PPARG: variants seen among roughly 807,000 people sequenced by gnomAD.
The protein encoded by PPARG is peroxisome proliferator-activated receptor gamma.
PPARG carries 17 observed loss-of-function variants against 39.2 expected under a neutral mutation model. The observed-to-expected ratio is 0.43, with a 90% confidence interval of 0.30 to 0.65. The LOEUF is 0.65. PPARG is among the 30% of genes least tolerant of loss of function. The pLI is 0.13. For synonymous variants in PPARG, 223 were observed against 215.7 expected (o/e 1.03, Z -0.30); for missense variants, 406 against 585.9 (o/e 0.69, Z 3.17).
intron 2 of PPARG, among the ~76,000 whole-genome samples, chr3:12,367,485 A>G (rs1404620277): frequency 1.3e-5 from 2 of 152,110 alleles, no homozygotes; most frequent in Non-Finnish European, 2.9e-5. Context: ...CTGTGTCCTG[A>G]TACCTCAGGA....
chr3:12,321,188 C>T (rs1003216769), intron 2 of PPARG, among the ~76,000 whole-genome samples: 4 of 152,178 alleles, frequency 2.6e-5, no homozygotes, highest in African/African-American at 9.7e-5. Context: ...GGCGTGGACT[C>T]ACTTCCTTTA....
At chr3:12,319,902 G>A (rs1401615713) in intron 2 of PPARG, among the ~76,000 whole-genome samples, 2 of 151,934 alleles carry the variant, frequency 1.3e-5, no homozygotes, top group Non-Finnish European at 2.9e-5. Context: ...AATAATTTAC[G>A]GCGTATATTT....
intron 7 of PPARG, among the ~76,000 whole-genome samples, chr3:12,419,271 A>G (rs1203011979): frequency 1.3e-5 from 2 of 151,990 alleles, no homozygotes; most frequent in South Asian, 2.1e-4. Context: ...GAACAAAAAT[A>G]TACTACCTGG....
intron 4 of PPARG, 103 bp from the exon 5 acceptor site, chr3:12,392,511 A>G (rs1242406644): frequency 1.5e-6 from 2 of 1,343,546 alleles, no homozygotes; most frequent in African/African-American, 2.9e-5. Context: ...CGTGTCAAGA[A>G]CCTGCCTTTT....
At chr3:12,317,752 T>G (rs1305475541) in intron 2 of PPARG, among the ~76,000 whole-genome samples, 1 of 152,240 alleles carries the variant, frequency 6.6e-6, no homozygotes, top group Non-Finnish European at 1.5e-5. Context: ...ACTCTTGCAT[T>G]ATTAATTTTA....
At position 12,364,115 on chromosome 3, in the gene PPARG, C is replaced by G. The variant is rs1426018356; in HGVS notation, c.-8-15589C>G. Among the ~76,000 whole-genome samples, 4 of 152,138 alleles carry G rather than the reference C, an allele frequency of 2.6e-5. No homozygotes were observed. In the East Asian group the frequency reaches 5.8e-4, roughly 22 times the overall value. ...AGATTCACTCTTCGTGTTATATTCT[C>G]TGGGTTTGTACAAATGTATAAGGAC... On this transcript the variant is annotated intron_variant, in intron 2 of 7. Coordinates refer to ENST00000651735, the MANE Select transcript of PPARG (RefSeq NM_138711.6).
At chr3:12,314,949 A>C (rs148659664) in intron 2 of PPARG, among the ~76,000 whole-genome samples, 1 of 152,298 alleles carries the variant, frequency 6.6e-6, no homozygotes, top group African/African-American at 2.4e-5. Context: ...TCAGACACTT[A>C]TCATTTTTTT....
At chr3:12,324,099 T>A (rs1324196568) in intron 2 of PPARG, among the ~76,000 whole-genome samples, 1 of 152,024 alleles carries the variant, frequency 6.6e-6, no homozygotes, top group African/African-American at 2.4e-5. Flanking sequence ...GCCAACATGG[T>A]GAAATCCCGT....
chr3:12,408,395 T>C (rs766205577), intron 6 of PPARG, among the ~76,000 whole-genome samples: 3 of 152,062 alleles, frequency 2.0e-5, no homozygotes, highest in Admixed American at 6.5e-5. Context: ...CGTTCAATGA[T>C]AAAATTGGCC....
At chr3:12,356,264 A>G (rs1463507204) in intron 2 of PPARG, among the ~76,000 whole-genome samples, 1 of 152,046 alleles carries the variant, frequency 6.6e-6, no homozygotes, top group African/African-American at 2.4e-5. Flanking sequence ...TGGTAAAAGC[A>G]GTTTTGCACC....
intron 2 of PPARG, among the ~76,000 whole-genome samples, chr3:12,339,282 A>G (rs2048105730): frequency 6.6e-6 from 1 of 152,236 alleles, no homozygotes; most frequent in African/African-American, 2.4e-5. Context: ...GAAAAGTATA[A>G]TAGATTAACA....
chr3:12,332,674 T>A (rs2047895135), intron 2 of PPARG, among the ~76,000 whole-genome samples: 1 of 152,146 alleles, frequency 6.6e-6, no homozygotes, highest in South Asian at 2.1e-4. Context: ...ACTGACTCCA[T>A]ATATAGGGCA....
intron 2 of PPARG, among the ~76,000 whole-genome samples, chr3:12,359,557 A>T (rs2125113314): frequency 6.6e-6 from 1 of 152,178 alleles, no homozygotes; most frequent in East Asian, 1.9e-4. Context: ...TGGGGAAAAA[A>T]ATTCCTGCAT....
chr3:12,309,429 A>G (rs1334880486), intron 1 of PPARG, among the ~76,000 whole-genome samples: 3 of 152,196 alleles, frequency 2.0e-5, no homozygotes, highest in Non-Finnish European at 1.5e-5. Context: ...TTATTTTAAT[A>G]GAGGATTTAA....
At chr3:12,309,451 A>G (rs6795085) in intron 1 of PPARG, among the ~76,000 whole-genome samples, 37,877 of 152,064 alleles carry the variant, frequency 0.25, 4,838 homozygotes, top group East Asian at 0.33. Flanking sequence ...TTGTTAATTA[A>G]CATTTTATTT....
rs527616484 is a variant in PPARG, at chr3:12,295,339, A to G, written c.-83+6205A>G. Among the ~76,000 whole-genome samples, 3 of 152,304 alleles carry G rather than the reference A, an allele frequency of 2.0e-5. No individual in the cohort carries two copies. The East Asian group carries it at 5.8e-4, about 29-fold the overall frequency. On this transcript the variant is annotated intron_variant, in intron 1 of 7. Transcript: ENST00000651735. ...AAATGAAGTAGAAACTTCAAAAATC[A>G]TTTGCATATGTCAAGTATAATCCAG...
chr3:12,405,714 A>G (rs959312302), intron 5 of PPARG, among the ~76,000 whole-genome samples, 168 bp from the exon 6 acceptor site: 2 of 152,252 alleles, frequency 1.3e-5, no homozygotes, highest in Non-Finnish European at 2.9e-5. Flanking sequence ...GGTCTGTGCT[A>G]CTTTTGTGAA....
intron 1 of PPARG, among the ~76,000 whole-genome samples, chr3:12,295,154 C>G (rs1305472807): frequency 6.6e-6 from 1 of 152,140 alleles, no homozygotes; most frequent in Non-Finnish European, 1.5e-5. Flanking sequence ...CAGAGAATCT[C>G]AAAGTGTTCC....
chr3:12,369,067 G>A (rs193075733), intron 2 of PPARG, among the ~76,000 whole-genome samples: 30 of 152,206 alleles, frequency 2.0e-4, no homozygotes, highest in Non-Finnish European at 3.1e-4. Context: ...AATAACACTC[G>A]TACACAGCTA....
Sources: gnomAD v4.1 joint callset for allele counts (sites outside exome capture counted in the v4.1 genomes callset) on GRCh38, gnomAD v4.1.1 for gene constraint, MANE v1.5 for transcripts, NCBI Gene and HGNC (gene_info 2026-07-23, HGNC 2026-07-21) for gene names.